FBL: variants seen among roughly 807,000 people sequenced by gnomAD.
FBL encodes the protein fibrillarin rRNA 2'-O-methyltransferase.
FBL carries 10 observed loss-of-function variants against 42.2 expected under a neutral mutation model. The ratio of observed to expected loss-of-function variants is 0.24; its 90% CI spans 0.15 to 0.40. The LOEUF (loss-of-function observed/expected upper bound fraction) is 0.40, where lower values mean the gene tolerates loss of function less well. Among genes scored for constraint, FBL ranks in the 10% least tolerant of loss-of-function variants. FBL has a pLI of 1.00. For missense variants in FBL, 351 were observed against 439.2 expected (o/e 0.80, Z 1.79); for synonymous variants, 165 against 165.4 (o/e 1.00, Z 0.02).
chr19:39,845,528 C>T (rs1969246429), intron 1 of FBL, among the ~76,000 whole-genome samples: 1 of 152,180 alleles, frequency 6.6e-6, no homozygotes, highest in Non-Finnish European at 1.5e-5. Context: ...AGGACCCCCT[C>T]ATCATTCCAC....
At chr19:39,838,877 T>C (rs1969102686) in intron 5 of FBL, 158 bp downstream of exon 5, 3 of 669,600 alleles carry the variant, frequency 4.5e-6, no homozygotes, top group Non-Finnish European at 5.1e-6. Context: ...AATGACATTA[T>C]CTGGTTCAAG....
rs570398405 is a variant in FBL, at chr19:39,844,676, T to C, written c.10+1615A>G. ...ACTGTCAGCATGTCCACTGCTCCCA[T>C]CCTGGTCCACCACACCATCTCCTAG... On this transcript the variant is annotated intron_variant, in intron 1 of 8. Coordinates refer to ENST00000221801, the MANE Select transcript of FBL (RefSeq NM_001436.4). 5.3e-5 allele frequency among the ~76,000 whole-genome samples: 8 copies of C among 152,298 alleles called. No individual in the cohort carries two copies. In the South Asian group the frequency reaches 1.7e-3, roughly 32 times the overall value.
rs1969076643 is a variant in FBL, at chr19:39,837,696, C to T, written c.682+15G>A. The T allele has an allele frequency of 1.9e-6, 3 of 1,556,052 alleles. No homozygotes were observed. Among genetic ancestry groups the T allele is most frequent in the Non-Finnish European group, 2.6e-6 (3 of 1,155,034 alleles). Reference sequence around the variant, plus strand: ...GCCTGTCCTACCCCACCGGGGCCACCCCCAGACCCCTCACCGATGAGCATG... The same window carrying T: ...GCCTGTCCTACCCCACCGGGGCCACTCCCAGACCCCTCACCGATGAGCATG... On this transcript the variant is annotated intron_variant, in intron 6 of 8. Transcript: ENST00000221801.
intron 7 of FBL, among the ~76,000 whole-genome samples, chr19:39,835,638 G>GT (rs1452230584): frequency 6.6e-6 from 1 of 152,204 alleles, no homozygotes; most frequent in Non-Finnish European, 1.5e-5. Context: ...CTTAATGAAA[G>GT]TTTTTGGCTG....
Position 39,840,723 on chromosome 19 carries a change from T to C in FBL, c.75A>G (p.Gly25=), listed in dbSNP as rs1331718467. 1 of 1,578,776 alleles carries C rather than the reference T, an allele frequency of 6.3e-7. No individual in the cohort carries two copies. The highest frequency in any genetic ancestry group is 2.3e-5 in the East Asian group (1 of 42,692). Residue 25 remains glycine (G), a synonymous_variant, in exon 2 of 9, where the codon GGA becomes GGG. Coordinates refer to ENST00000221801, the MANE Select transcript of FBL (RefSeq NM_001436.4). The surrounding 1 kb of genome is among the most constrained non-coding windows in gnomAD (Gnocchi z 4.5). ...RGGFGDRGGR[G]GRGGFGGGRG... is the part of the protein sequence containing the mutation. ...GGCCCCCGCCAAAGCCCCCTCGGCC[T>C]CCACGACCACCACGGTCACCAAAGC...
chr19:39,840,157 G>T lies in FBL; in HGVS notation c.378+76C>A. The T allele has an allele frequency of 1.0e-6, 1 of 980,520 alleles. No individual in the cohort carries two copies. Among genetic ancestry groups the T allele is most frequent in the Non-Finnish European group, 1.6e-6 (1 of 607,650 alleles). The allele number at this position is 980,520 out of a possible 1,614,324, so 60.7% of individuals were successfully genotyped here. ...TCCAGCTGTCACGTGCAGGACACAT[G>T]GTGAGGGCAGACACAGACTACTGGC... On this transcript the variant is annotated intron_variant, in intron 4 of 8. Transcript: ENST00000221801. The surrounding 1 kb of genome is among the most constrained non-coding windows in gnomAD (Gnocchi z 4.5).
intron 4 of FBL, among the ~76,000 whole-genome samples, chr19:39,839,982 A>T (rs910814367): frequency 2.0e-5 from 3 of 151,970 alleles, no homozygotes; most frequent in African/African-American, 7.3e-5. Context: ...TTAGTGAAGG[A>T]GACAAAGCCA....
At chr19:39,839,823 A>G (rs999064781) in intron 4 of FBL, among the ~76,000 whole-genome samples, 2 of 152,210 alleles carry the variant, frequency 1.3e-5, no homozygotes, top group African/African-American at 4.8e-5. Context: ...ACACAGGATA[A>G]CAGGACAGGG....
Position 39,839,056 on chromosome 19 carries a change from A to G in FBL, c.528T>C (p.His176=). 4 of 1,613,456 alleles carry G rather than the reference A, an allele frequency of 2.5e-6. No homozygotes were observed. Among genetic ancestry groups the G allele is most frequent in the Non-Finnish European group, 2.5e-6 (3 of 1,179,652 alleles). ...TCACCGGACCAACGATGTCAGAGAC[A>G]TGGGAGACCGTGGTGCCCGAGGCAG... ...LGAASGTTVS[H]VSDIVGPDGL... is the part of the protein sequence containing the mutation. Residue 176 remains histidine (H), a synonymous_variant, in exon 5 of 9, where the codon CAT becomes CAC. Transcript: ENST00000221801.
At chr19:39,845,621 A>G (rs1969249505) in intron 1 of FBL, among the ~76,000 whole-genome samples, 1 of 152,100 alleles carries the variant, frequency 6.6e-6, no homozygotes, top group Non-Finnish European at 1.5e-5. Flanking sequence ...CACCCGCCCC[A>G]CCACCCCAGA....
At chr19:39,837,977 A>G (rs1969083149) in intron 5 of FBL, 134 bp from the exon 6 acceptor site, 14 of 633,340 alleles carry the variant, frequency 2.2e-5, no homozygotes, top group Admixed American at 1.4e-4. Context: ...GACTATTGCT[A>G]TCATGTCCAT....
chr19:39,843,680 A>G (rs901027489), intron 1 of FBL, among the ~76,000 whole-genome samples: 4 of 152,242 alleles, frequency 2.6e-5, no homozygotes, highest in African/African-American at 9.6e-5. Context: ...CTGAGGCACA[A>G]GCATCAATTG....
chr19:39,836,636 G>C lies in FBL; in HGVS notation c.715C>G (p.Gln239Glu). The part of the protein sequence containing the change: ...MVDVIFADVA[Q>E]PDQTRIVALN... ...GCCACAATCCGGGTCTGGTCTGGCT[G>C]GGCCACATCAGCAAAGATCACATCC... Residue 239 changes from glutamine to glutamate, a missense_variant, in exon 7 of 9, where the codon CAG becomes GAG. Physicochemically the swap from Gln to Glu is conservative, Grantham distance 29 (BLOSUM62 2). Coordinates refer to ENST00000221801, the MANE Select transcript of FBL (RefSeq NM_001436.4). 6.2e-7 allele frequency: 1 copy of C among 1,614,056 alleles called. No homozygotes were observed. Among genetic ancestry groups the C allele is most frequent in the Non-Finnish European group, 8.5e-7 (1 of 1,179,934 alleles).
rs1969261976 is a variant in FBL, at chr19:39,846,316, G to A, written c.-16C>T. 2 of 1,613,354 alleles carry A rather than the reference G, an allele frequency of 1.2e-6. No homozygotes were observed. Among genetic ancestry groups the A allele is most frequent in the South Asian group, 1.1e-5 (1 of 91,010 alleles). On this transcript the variant is annotated 5_prime_UTR_variant, in exon 1 of 9. Transcript: ENST00000221801. The stretch of plus-strand genomic sequence containing the variant: ...CTGGCTTCATGGCGAGCCCTGGTTT[G>A]TGCGGCTCCGGAGTCCGCGGCGTTC...
chr19:39,834,664 TCACCTGTA>T lies in FBL; in HGVS notation c.937_941+3del. 6.2e-7 allele frequency: 1 copy of T among 1,614,122 alleles called. No homozygotes were observed. The highest frequency in any genetic ancestry group is 1.7e-5 in the Admixed American group (1 of 60,012). ...TCTTGGTGTATTGCTGGGCCCCTGC[TCACCTGTA>T]CACTCCCACGACCACGGCATGGTCT... is the stretch of plus-strand genomic sequence containing the variant. On this transcript the variant is annotated splice_donor_variant and splice_donor_region_variant and coding_sequence_variant and intron_variant, in exon 8 of 9. Transcript: ENST00000221801. LOFTEE classifies it high-confidence loss of function.
chr19:39,836,144 T>C (rs1969044271), intron 7 of FBL, among the ~76,000 whole-genome samples: 1 of 151,758 alleles, frequency 6.6e-6, no homozygotes, highest in Non-Finnish European at 1.5e-5. Flanking sequence ...GAAGGGTGCA[T>C]GGGAGAGTTC....
In FBL at chr19:39,840,625, C is replaced by A. The variant is rs1969143578; in HGVS notation, c.173G>T (p.Gly58Val). The A allele has an allele frequency of 1.2e-6, 2 of 1,613,236 alleles. No individual in the cohort carries two copies. Among genetic ancestry groups the A allele is most frequent in the Non-Finnish European group, 1.7e-6 (2 of 1,179,682 alleles). ...GGGGGGGGGGGRGGGGFHSGG... is the reference protein window; with the variant it reads ...GGGGGGGGGGVRGGGGFHSGG... ...CCCCTAGCCAATCTTACCACCTCTTCCTCCTCCTCCACCGCCGCCGCCGCC... is the reference window on the plus strand; with the variant it reads ...CCCCTAGCCAATCTTACCACCTCTTACTCCTCCTCCACCGCCGCCGCCGCC... The change falls in exon 2 of 9, where the codon GGA becomes GTA. Residue 58 changes from glycine (G) to valine (V), a missense_variant. Physicochemically the swap from Gly to Val is moderately radical, Grantham distance 109. Coordinates refer to ENST00000221801, the MANE Select transcript of FBL (RefSeq NM_001436.4). The surrounding 1 kb of genome is among the most constrained non-coding windows in gnomAD (Gnocchi z 4.5).
At chr19:39,836,222 C>G (rs762153090) in intron 7 of FBL, among the ~76,000 whole-genome samples, 10 of 151,694 alleles carry the variant, frequency 6.6e-5, no homozygotes, top group Admixed American at 2.6e-4. Flanking sequence ...TATTCTATGC[C>G]AGGATCTTTT....
At chr19:39,845,406 T>G (rs1969243961) in intron 1 of FBL, among the ~76,000 whole-genome samples, 1 of 152,148 alleles carries the variant, frequency 6.6e-6, no homozygotes, top group South Asian at 2.1e-4. Context: ...ATTTTATTGA[T>G]GAGAAAACAG....
Sources: allele counts gnomAD v4.1 joint callset (sites outside exome capture counted in the v4.1 genomes callset), GRCh38; gene constraint gnomAD v4.1.1; non-coding constraint Gnocchi (gnomAD v3.1); transcripts MANE v1.5; gene names NCBI Gene and HGNC (gene_info 2026-07-23, HGNC 2026-07-21).